UBE2J1: variants seen among roughly 807,000 people sequenced by gnomAD.
UBE2J1 encodes the protein ubiquitin-conjugating enzyme E2 J1.
In UBE2J1, 17 loss-of-function variants were observed where a neutral mutation model predicts 42.1. That is an observed-to-expected ratio of 0.40 (90% CI 0.28 to 0.61). The LOEUF is 0.61. Ranked by LOEUF, UBE2J1 falls within the 20% of genes least tolerant of loss-of-function variation. The pLI, the probability that UBE2J1 is intolerant of heterozygous loss-of-function variation, is 0.38. For missense variants in UBE2J1, 291 were observed against 389.4 expected (o/e 0.75, Z 2.13); for synonymous variants, 127 against 137.2 (o/e 0.93, Z 0.52).
chr6:89,347,680 A>G (rs573572723), intron 1 of UBE2J1, among the ~76,000 whole-genome samples: 1 of 151,832 alleles, frequency 6.6e-6, no homozygotes, highest in Admixed American at 6.5e-5. Context: ...TCTTGTTTCC[A>G]TAAGCTATTT....
intron 3 of UBE2J1, among the ~76,000 whole-genome samples, chr6:89,340,770 TTATG>T (rs1172169868): frequency 7.4e-6 from 1 of 135,058 alleles, no homozygotes; most frequent in Non-Finnish European, 1.6e-5. Context: ...ATTTATTTAT[TTATG>T]TTTTTTTTTT....
At chr6:89,333,541 A>T (rs1379229141) in intron 6 of UBE2J1, among the ~76,000 whole-genome samples, 2 of 152,236 alleles carry the variant, frequency 1.3e-5, no homozygotes, top group African/African-American at 2.4e-5. Context: ...ATGTGAACCT[A>T]TGAATAGTCT....
intron 7 of UBE2J1, among the ~76,000 whole-genome samples, chr6:89,331,614 C>T (rs1768010306): frequency 6.6e-6 from 1 of 152,086 alleles, no homozygotes; most frequent in South Asian, 2.1e-4. Context: ...GACCCCTGAC[C>T]CTCACAGAAC....
chr6:89,348,471 G>C (rs1030307017), intron 1 of UBE2J1, among the ~76,000 whole-genome samples: 1 of 152,204 alleles, frequency 6.6e-6, no homozygotes, highest in Non-Finnish European at 1.5e-5. Flanking sequence ...AATTCCCAAA[G>C]CATGAGTGAA....
At chr6:89,343,552 T>C (rs1423904191) in intron 2 of UBE2J1, 131 bp downstream of exon 2, 1 of 514,726 alleles carries the variant, frequency 1.9e-6, no homozygotes, top group Non-Finnish European at 3.2e-6. Context: ...GAAATATTCA[T>C]GAAATATGGT....
rs375277794 is a variant in UBE2J1 at position 89,352,327 on chromosome 6, C to A, written c.31+212G>T. Reference sequence around the variant, plus strand: ...AAGGGAGAGGCTGGGTGCTGCGGGGCGCGCTGGCCGGCCGGGGGATTGGCA... The same window carrying A: ...AAGGGAGAGGCTGGGTGCTGCGGGGAGCGCTGGCCGGCCGGGGGATTGGCA... On this transcript the variant is annotated intron_variant, in intron 1 of 7. Coordinates refer to ENST00000435041, the MANE Select transcript of UBE2J1 (RefSeq NM_016021.3). Among the ~76,000 whole-genome samples, 21 of 152,344 alleles carry A rather than the reference C, an allele frequency of 1.4e-4. No homozygotes were observed. In the East Asian group the frequency reaches 3.3e-3, roughly 24 times the overall value.
At chr6:89,345,697 C>G (rs1375924886) in intron 1 of UBE2J1, among the ~76,000 whole-genome samples, 1 of 152,018 alleles carries the variant, frequency 6.6e-6, no homozygotes, top group African/African-American at 2.4e-5. Context: ...CACCTGAGGT[C>G]AGGAGTTTGA....
chr6:89,335,360 C>T lies in UBE2J1; in HGVS notation c.500G>A (p.Ser167Asn), dbSNP rs1451329250. Residue 167 changes from serine (S) to asparagine (N), a missense_variant, in exon 6 of 8, where the codon AGC (serine) becomes AAC (asparagine). Coordinates refer to ENST00000435041, the MANE Select transcript of UBE2J1 (RefSeq NM_016021.3). ...KDVLLPLKSG[S>N]DSSQADQEAK... ...TTCTTGGTCAGCTTGGCTTGAATCG[C>T]TTCCAGATTTTAAAGGCAACAGGAC... 27 of 1,609,116 alleles carry T rather than the reference C, an allele frequency of 1.7e-5. No homozygotes were observed. The highest frequency in any genetic ancestry group is 2.0e-5 in the Non-Finnish European group (24 of 1,176,900).
rs140328708 is a variant in UBE2J1, at chr6:89,329,950, A to C, written c.686T>G (p.Leu229Arg). 1.5e-4 allele frequency: 243 copies of C among 1,613,846 alleles called. No homozygotes were observed. The African/African-American group carries it at 3.0e-3, about 20-fold the overall frequency. The change falls in exon 8 of 8, where the codon CTC (leucine) becomes CGC (arginine). Residue 229 changes from leucine (L) to arginine (R), a missense_variant. Physicochemically the swap from Leu to Arg is moderately radical, Grantham distance 102 (BLOSUM62 -2). Transcript: ENST00000435041. Reference protein sequence around the residue: ...QGATASTSYGLQNSSAASFHQ... With the variant: ...QGATASTSYGRQNSSAASFHQ... ...AAAGGATGCTGCTGAGGAATTCTGG[A>C]GTCCGTACTAGGAAATTTTAAGAAA...
At chr6:89,330,727 T>C (rs1281054663) in intron 7 of UBE2J1, among the ~76,000 whole-genome samples, 1 of 151,916 alleles carries the variant, frequency 6.6e-6, no homozygotes, top group Non-Finnish European at 1.5e-5. Context: ...GCTCAGGAGG[T>C]TGAGGCTTCG....
At chr6:89,335,919 T>G (rs745785025) in intron 5 of UBE2J1, among the ~76,000 whole-genome samples, 3 of 152,192 alleles carry the variant, frequency 2.0e-5, no homozygotes, top group Non-Finnish European at 4.4e-5. Context: ...TTGGGAGAAC[T>G]TGCAGAAAAT....
intron 1 of UBE2J1, 148 bp downstream of exon 1, chr6:89,352,391 C>G (rs1768502685): frequency 1.1e-6 from 1 of 917,824 alleles, no homozygotes; most frequent in Admixed American, 3.3e-5. Flanking sequence ...GCGGCCTGTA[C>G]TTCCCGGGCA....
rs756792961 is a variant in UBE2J1 at position 89,333,143 on chromosome 6, T to G, written c.621A>C (p.Leu207=). ...SESDLNHSFS[L]TDLQDDIPTT... The stretch of plus-strand genomic sequence containing the variant: ...TAGGTATATCATCTTGTAAATCAGT[T>G]AGTGAAAAAGAGTGGTTTAAGTCTG... The change falls in exon 7 of 8, where the codon CTA becomes CTC. Residue 207 remains leucine (L), a synonymous_variant. Transcript: ENST00000435041. 9 of 1,613,196 alleles carry G rather than the reference T, an allele frequency of 5.6e-6. No homozygotes were observed. The South Asian group carries it at 9.9e-5, about 18-fold the overall frequency.
chr6:89,334,283 G>A (rs895668232), intron 6 of UBE2J1, among the ~76,000 whole-genome samples: 7 of 151,912 alleles, frequency 4.6e-5, no homozygotes, highest in Non-Finnish European at 1.0e-4. Context: ...GATTACAGGC[G>A]TGAGCCACTG....
chr6:89,330,134 A>C (rs1312934062), intron 7 of UBE2J1, among the ~76,000 whole-genome samples, 177 bp from the exon 8 acceptor site: 1 of 152,190 alleles, frequency 6.6e-6, no homozygotes, highest in African/African-American at 2.4e-5. Context: ...AGGTTCAAAA[A>C]AAAGTCATAA....
intron 2 of UBE2J1, among the ~76,000 whole-genome samples, chr6:89,342,658 TCC>T (rs1768270422): frequency 6.6e-6 from 1 of 152,216 alleles, no homozygotes; most frequent in African/African-American, 2.4e-5. Flanking sequence ...GCTTTCATGT[TCC>T]ATTGAGCTAA....
chr6:89,337,088 G>A (rs569879649), intron 5 of UBE2J1, among the ~76,000 whole-genome samples: 4 of 152,062 alleles, frequency 2.6e-5, no homozygotes, highest in Non-Finnish European at 4.4e-5. Flanking sequence ...CAATCCACCT[G>A]TCTTGGCCTG....
At chr6:89,330,138 G>A (rs1364115473) in intron 7 of UBE2J1, among the ~76,000 whole-genome samples, 181 bp from the exon 8 acceptor site, 3 of 152,040 alleles carry the variant, frequency 2.0e-5, no homozygotes, top group Admixed American at 2.0e-4. Flanking sequence ...TCAAAAAAAA[G>A]TCATAAGTTA....
intron 3 of UBE2J1, among the ~76,000 whole-genome samples, 182 bp from the exon 4 acceptor site, chr6:89,338,725 G>C (rs1360530538): frequency 1.5e-5 from 2 of 135,476 alleles, no homozygotes; most frequent in Non-Finnish European, 3.0e-5. Flanking sequence ...GAGTGCAGTG[G>C]TGTGATATCA....
Sources: allele counts gnomAD v4.1 joint callset (sites outside exome capture counted in the v4.1 genomes callset), GRCh38; gene constraint gnomAD v4.1.1; transcripts MANE v1.5; gene names NCBI Gene and HGNC (gene_info 2026-07-23, HGNC 2026-07-21).